The following OVOL2 variants were observed in gnomAD, a reference collection of about 807,000 sequenced individuals.
OVOL2 encodes transcription factor Ovo-like 2.
Under a neutral mutation model 18.1 loss-of-function variants are expected in OVOL2, and 13 were observed. The ratio of observed to expected loss-of-function variants is 0.72; its 90% CI spans 0.47 to 1.14. The LOEUF is 1.14. Ranked by LOEUF, OVOL2 falls within the 50% of genes most tolerant of loss-of-function variation. The pLI, the probability that OVOL2 is intolerant of heterozygous loss-of-function variation, is 0.00. For synonymous variants in OVOL2, 166 were observed against 162.7 expected, an observed-to-expected ratio of 1.02 and a Z score of -0.16; for missense variants, 335 against 383.0, an observed-to-expected ratio of 0.87 and a Z score of 1.05.
rs757141000 is a variant in OVOL2, at chr20:18,041,738, AG to A, written c.322-16del. On this transcript the variant is annotated splice_polypyrimidine_tract_variant and intron_variant, in intron 2 of 3. Transcript: ENST00000278780. ...CCTGTGGTGAACTGGGGGCAGAGAG[AG>A]GCCATGAGGGTCCCCGGGCAGGCAG... 3 of 1,600,226 alleles carry A rather than the reference AG, an allele frequency of 1.9e-6. No individual in the cohort carries two copies. Among genetic ancestry groups the A allele is most frequent in the South Asian group, 2.2e-5 (2 of 90,728 alleles).
intron 2 of OVOL2, among the ~76,000 whole-genome samples, chr20:18,044,044 C>T (rs1274620837): frequency 6.6e-6 from 1 of 152,114 alleles, no homozygotes; most frequent in Non-Finnish European, 1.5e-5. Flanking sequence ...GCTCCCTTGC[C>T]GATGCAGCCT....
rs117691698 is a variant in OVOL2 at position 18,037,791 on chromosome 20, C to T, written c.511+3743G>A. The stretch of plus-strand genomic sequence containing the variant: ...CCAGTGGGATTGAGCCTCCGCTGCC[C>T]GTAGTGATAACCCACTCATTATTAT... On this transcript the variant is annotated intron_variant, in intron 3 of 3. Coordinates refer to ENST00000278780, the MANE Select transcript of OVOL2 (RefSeq NM_021220.4). Among the ~76,000 whole-genome samples, 39 of 152,280 alleles carry T rather than the reference C, an allele frequency of 2.6e-4. No individual in the cohort carries two copies. The East Asian group carries it at 3.9e-3, about 15-fold the overall frequency.
At position 18,056,609 on chromosome 20, in the gene OVOL2, C is replaced by G; in HGVS notation, c.321+48G>C. The G allele has an allele frequency of 7.5e-7, 1 of 1,329,994 alleles. No individual in the cohort carries two copies. The highest frequency in any genetic ancestry group is 9.6e-7 in the Non-Finnish European group (1 of 1,037,356). The allele number at this position is 1,329,994 out of a possible 1,614,324, so 82.4% of individuals were successfully genotyped here. On this transcript the variant is annotated intron_variant, in intron 2 of 3. Coordinates refer to ENST00000278780, the MANE Select transcript of OVOL2 (RefSeq NM_021220.4). The surrounding 1 kb of genome is among the most constrained non-coding windows in gnomAD (Gnocchi z 4.2). The stretch of plus-strand genomic sequence containing the variant: ...AGGGGCGCCGGCCTCGGGAGCCCGA[C>G]GCCAGGGCGTGGTGCAGGTGGCGGC...
At chr20:18,044,668 GT>G (rs1423377318) in intron 2 of OVOL2, among the ~76,000 whole-genome samples, 1 of 152,174 alleles carries the variant, frequency 6.6e-6, no homozygotes, top group Non-Finnish European at 1.5e-5. Flanking sequence ...GCCGAGTCTA[GT>G]GGGGGTGCAG....
At chr20:18,055,731 A>C (rs1234181628) in intron 2 of OVOL2, among the ~76,000 whole-genome samples, 1 of 152,164 alleles carries the variant, frequency 6.6e-6, no homozygotes, top group Non-Finnish European at 1.5e-5. Flanking sequence ...GCAGGAGGGC[A>C]CCGGAGAGCC....
At chr20:18,044,510 C>G (rs1775706399) in intron 2 of OVOL2, among the ~76,000 whole-genome samples, 2 of 152,298 alleles carry the variant, frequency 1.3e-5, no homozygotes, top group South Asian at 4.1e-4. Context: ...GTATTCCAGT[C>G]AGCCTCCTCC....
At chr20:18,033,529 C>A (rs1414340893) in intron 3 of OVOL2, among the ~76,000 whole-genome samples, 2 of 152,242 alleles carry the variant, frequency 1.3e-5, no homozygotes, top group African/African-American at 2.4e-5. Flanking sequence ...GTCTTCTCTG[C>A]AGCTTTTTAT....
At chr20:18,025,070 T>C in intron 3 of OVOL2, 118 bp from the exon 4 acceptor site, 2 of 1,224,922 alleles carry the variant, frequency 1.6e-6, no homozygotes, top group East Asian at 4.7e-5. Flanking sequence ...ATGAGGACAA[T>C]GGTTACAGCA....
rs911057910 is a variant in OVOL2 at position 18,056,953 on chromosome 20, G to A, written c.101-76C>T. 28 of 1,385,944 alleles carry A rather than the reference G, an allele frequency of 2.0e-5. 1 individual carries two copies. In the South Asian group the frequency reaches 4.2e-4, roughly 21 times the overall value. The allele number at this position is 1,385,944 out of a possible 1,614,324, so 85.9% of individuals were successfully genotyped here. On this transcript the variant is annotated intron_variant, in intron 1 of 3. Coordinates refer to ENST00000278780, the MANE Select transcript of OVOL2 (RefSeq NM_021220.4). This position sits in a 1 kb window ranked among gnomAD's most constrained non-coding sequence, Gnocchi z 4.2. Reference sequence around the variant, plus strand: ...ACGCCCGCGGCAGTTTGACCTGCGGGCGGTGCTGCCGCCGCCCCGCCCCGG... The same window carrying A: ...ACGCCCGCGGCAGTTTGACCTGCGGACGGTGCTGCCGCCGCCCCGCCCCGG...
intron 3 of OVOL2, among the ~76,000 whole-genome samples, chr20:18,038,317 G>A (rs558291885): frequency 2.7e-4 from 41 of 152,278 alleles, no homozygotes; most frequent in Admixed American, 1.6e-3. Context: ...AATATAAGAA[G>A]CACTTTTATG....
chr20:18,051,442 T>C (rs2036770645), intron 2 of OVOL2, among the ~76,000 whole-genome samples: 1 of 152,140 alleles, frequency 6.6e-6, no homozygotes, highest in Non-Finnish European at 1.5e-5. Context: ...AATTAGATTA[T>C]TGCTGTTTTA....
At chr20:18,049,555 C>CA (rs1032715311) in intron 2 of OVOL2, among the ~76,000 whole-genome samples, 71 of 151,884 alleles carry the variant, frequency 4.7e-4, no homozygotes, top group African/African-American at 1.6e-3. Flanking sequence ...TCAGATTCCC[C>CA]CCCCGATCCT....
At chr20:18,041,864 T>A in intron 2 of OVOL2, 141 bp from the exon 3 acceptor site, 2 of 653,266 alleles carry the variant, frequency 3.1e-6, no homozygotes, top group Non-Finnish European at 4.8e-6. Flanking sequence ...GGTTTTGGCT[T>A]TGGGAAAGGT....
At chr20:18,039,343 C>T (rs888628013) in intron 3 of OVOL2, among the ~76,000 whole-genome samples, 5 of 151,886 alleles carry the variant, frequency 3.3e-5, no homozygotes, top group South Asian at 2.1e-4. Flanking sequence ...AGTTTTTGGC[C>T]GGGTGTGGTG....
At chr20:18,040,929 T>A (rs559698341) in intron 3 of OVOL2, among the ~76,000 whole-genome samples, 13 of 152,196 alleles carry the variant, frequency 8.5e-5, no homozygotes, top group Non-Finnish European at 1.2e-4. Flanking sequence ...ACCAAGGGGC[T>A]GAGCTGTGGC....
intron 3 of OVOL2, among the ~76,000 whole-genome samples, chr20:18,033,234 C>G (rs933243663): frequency 5.9e-5 from 9 of 152,142 alleles, no homozygotes; most frequent in African/African-American, 1.7e-4. Flanking sequence ...ATGTAGGCCC[C>G]GATGGAAGAT....
chr20:18,058,217 C>A (rs1351561597), upstream of OVOL2, among the ~76,000 whole-genome samples: 2 of 152,120 alleles, frequency 1.3e-5, no homozygotes, highest in Non-Finnish European at 2.9e-5. Flanking sequence ...CCCCCTCCCC[C>A]GCCCGGTGGA....
In OVOL2 at chr20:18,056,564, C is replaced by A. The variant is rs1385162598; in HGVS notation, c.321+93G>T. The A allele has an allele frequency of 3.6e-5, 44 of 1,220,384 alleles. No homozygotes were observed. Among genetic ancestry groups the A allele is most frequent in the Admixed American group, 9.1e-5 (2 of 22,094 alleles). 75.6% of individuals were successfully genotyped at this position (1,220,384 alleles called of 1,614,324 possible). On this transcript the variant is annotated intron_variant, in intron 2 of 3. Transcript: ENST00000278780. This position sits in a 1 kb window ranked among gnomAD's most constrained non-coding sequence, Gnocchi z 4.2. The stretch of plus-strand genomic sequence containing the variant: ...CGCTCGGGGCGCGGGTGCCGGGTTG[C>A]GCAGGCGGGCGCGGCAGGGAGGGGC...
chr20:18,031,009 T>C (rs1298739162), intron 3 of OVOL2, among the ~76,000 whole-genome samples: 1 of 152,176 alleles, frequency 6.6e-6, no homozygotes, highest in African/African-American at 2.4e-5. Context: ...GACGGACTGA[T>C]GCCAAGGCCC....
Sources: gnomAD v4.1 joint callset for allele counts (sites outside exome capture counted in the v4.1 genomes callset) on GRCh38, gnomAD v4.1.1 for gene constraint, Gnocchi (gnomAD v3.1) non-coding constraint, MANE v1.5 for transcripts, NCBI Gene and HGNC (gene_info 2026-07-23, HGNC 2026-07-21) for gene names.